The following NUAK1 variants were observed in gnomAD, a reference collection of about 807,000 sequenced individuals.
The protein encoded by NUAK1 is NUAK family kinase 1.
In NUAK1, 26 loss-of-function variants were observed where a neutral mutation model predicts 56.9. The ratio of observed to expected loss-of-function variants is 0.46; its 90% confidence interval spans 0.33 to 0.63. The LOEUF (loss-of-function observed/expected upper bound fraction) is 0.63. Ranked by LOEUF, NUAK1 falls within the 30% of genes least tolerant of loss-of-function variation. The pLI is 0.02. For missense variants in NUAK1, 727 were observed against 876.1 expected, an observed-to-expected ratio of 0.83 and a Z score of 2.15; for synonymous variants, 337 against 336.0, an observed-to-expected ratio of 1.00 and a Z score of -0.03.
At chr12:106,088,712 C>T (rs1287560909) in intron 2 of NUAK1, among the ~76,000 whole-genome samples, 3 of 152,228 alleles carry the variant, frequency 2.0e-5, no homozygotes, top group African/African-American at 7.2e-5. Context: ...TTACAGCATA[C>T]ACTCAATTAT....
intron 4 of NUAK1, among the ~76,000 whole-genome samples, chr12:106,073,765 C>T (rs2032431827): frequency 6.6e-6 from 1 of 151,942 alleles, no homozygotes; most frequent in South Asian, 2.1e-4. Context: ...TTGCAGTGAG[C>T]CAAAATCACA....
chr12:106,089,486 G>A (rs1331948925), intron 2 of NUAK1, among the ~76,000 whole-genome samples: 2 of 152,192 alleles, frequency 1.3e-5, no homozygotes, highest in African/African-American at 4.8e-5. Flanking sequence ...TACTGATCCT[G>A]TCTCTACAAT....
intron 2 of NUAK1, among the ~76,000 whole-genome samples, chr12:106,101,178 A>G (rs2032743530): frequency 6.6e-6 from 1 of 152,164 alleles, no homozygotes; most frequent in South Asian, 2.1e-4. Flanking sequence ...AGGGGCAGGT[A>G]GGGGCAGGAT....
Position 106,138,696 on chromosome 12 carries a change from G to T in NUAK1, c.-43C>A, listed in dbSNP as rs1473208037. 8.9e-6 allele frequency: 13 copies of T among 1,464,938 alleles called. No homozygotes were observed. Among genetic ancestry groups the T allele is most frequent in the Non-Finnish European group, 1.2e-5 (13 of 1,117,616 alleles). 90.7% of individuals were successfully genotyped at this position (1,464,938 alleles called of 1,614,324 possible). Reference sequence around the variant, plus strand: ...GCCGGGCTACAGAGGGCAAGACCGGGCACAGCGCTGGGATGTCGGGGTCCC... The same window carrying T: ...GCCGGGCTACAGAGGGCAAGACCGGTCACAGCGCTGGGATGTCGGGGTCCC... On this transcript the variant is annotated 5_prime_UTR_variant, in exon 1 of 7. Transcript: ENST00000261402. The surrounding 1 kb of genome is among the most constrained non-coding windows in gnomAD (Gnocchi z 5.0).
intron 1 of NUAK1, among the ~76,000 whole-genome samples, chr12:106,130,350 AG>A: frequency 6.6e-6 from 1 of 152,372 alleles, no homozygotes. Context: ...TGAATCTAAT[AG>A]CCCCAACTAA....
rs2032574841 is a variant in NUAK1 at position 106,086,777 on chromosome 12, T to G, written c.470A>C (p.His157Pro). The change falls in exon 3 of 7, where the codon CAC becomes CCC. Residue 157 changes from histidine (H) to proline (P), a missense_variant. Physicochemically the swap from His to Pro is moderately conservative, Grantham distance 77 (BLOSUM62 -2). Transcript: ENST00000261402. ...RRRLSERETR[H>P]FFRQIVSAVH... ...AGCAGAGACGATCTGCCGGAAGAAG[T>G]GCCGGGTCTCCCTCTCACTGAGGCG... is the stretch of plus-strand genomic sequence containing the variant. 1 of 1,614,176 alleles carries G rather than the reference T, an allele frequency of 6.2e-7. No homozygotes were observed. The highest frequency in any genetic ancestry group is 1.1e-5 in the South Asian group (1 of 91,082).
chr12:106,103,086 G>A (rs7132000), intron 2 of NUAK1: 6,570 of 152,254 alleles, frequency 0.043, 487 homozygotes, highest in African/African-American at 0.15. Flanking sequence ...ATATTCTTCC[G>A]TTAAGGTTTG....
At chr12:106,069,368 T>C (rs908812258) in intron 6 of NUAK1, among the ~76,000 whole-genome samples, 2 of 152,232 alleles carry the variant, frequency 1.3e-5, no homozygotes, top group South Asian at 2.1e-4. Context: ...TAGTGCTGTA[T>C]TTCTCACATT....
intron 2 of NUAK1, among the ~76,000 whole-genome samples, chr12:106,095,899 A>G (rs2032691687): frequency 6.6e-6 from 1 of 152,180 alleles, no homozygotes. Context: ...CATACCTACC[A>G]GAGGCACCTG....
chr12:106,119,646 G>A (rs1281838947), intron 1 of NUAK1, among the ~76,000 whole-genome samples: 6 of 152,132 alleles, frequency 3.9e-5, no homozygotes, highest in Non-Finnish European at 4.4e-5. Context: ...TAACTTTTCT[G>A]TATCTGGCGA....
In NUAK1 at chr12:106,066,214, C is replaced by T. The variant is rs1425672684; in HGVS notation, c.*588G>A. ...AGCATTAGTGCTACTGCTTCCCCTT[C>T]CCTTTCCCGTGGTAGCCATTACTAG... On this transcript the variant is annotated 3_prime_UTR_variant, in exon 7 of 7. Transcript: ENST00000261402. 1 of 156,548 alleles carries T rather than the reference C, an allele frequency of 6.4e-6. No individual in the cohort carries two copies. Among genetic ancestry groups the T allele is most frequent in the Non-Finnish European group, 1.4e-5 (1 of 70,798 alleles). The allele number at this position is 156,548 out of a possible 1,614,324, so 9.7% of individuals were successfully genotyped here. A position where few individuals can be genotyped will look rare whatever the true frequency, so the allele number is the denominator to read the frequency against.
At chr12:106,104,940 A>C (rs1248883716) in intron 2 of NUAK1, among the ~76,000 whole-genome samples, 1 of 151,988 alleles carries the variant, frequency 6.6e-6, no homozygotes, top group Non-Finnish European at 1.5e-5. Context: ...CCACGAATTA[A>C]AAATAAGTTC....
chr12:106,086,994 G>T, intron 2 of NUAK1, 109 bp from the exon 3 acceptor site: 1 of 1,384,214 alleles, frequency 7.2e-7, no homozygotes, highest in Non-Finnish European at 1.0e-6. Flanking sequence ...GCAGAGGATC[G>T]ACTGATGGGT....
At chr12:106,135,889 G>A (rs759483706) in intron 1 of NUAK1, among the ~76,000 whole-genome samples, 1 of 152,172 alleles carries the variant, frequency 6.6e-6, no homozygotes. Flanking sequence ...GGCACTGTAT[G>A]GGCAAGAACA....
intron 2 of NUAK1, 151 bp downstream of exon 2, chr12:106,106,254 C>A: frequency 1.6e-6 from 1 of 633,558 alleles, no homozygotes; most frequent in Non-Finnish European, 2.6e-6. Flanking sequence ...TCAAGGTAAC[C>A]AAGTAAGAGA....
intron 1 of NUAK1, among the ~76,000 whole-genome samples, chr12:106,113,033 C>T (rs1250864941): frequency 1.3e-5 from 2 of 152,186 alleles, no homozygotes; most frequent in Non-Finnish European, 2.9e-5. Context: ...AAAGCAGATT[C>T]GTGCTTGACT....
chr12:106,125,914 C>CCA (rs34374649), intron 1 of NUAK1, among the ~76,000 whole-genome samples: 1 of 151,800 alleles, frequency 6.6e-6, no homozygotes, highest in East Asian at 1.9e-4. Context: ...ATTAGTCTCC[C>CCA]CCCTGCATGC....
chr12:106,127,960 A>G (rs2033039685), intron 1 of NUAK1, among the ~76,000 whole-genome samples: 1 of 152,042 alleles, frequency 6.6e-6, no homozygotes, highest in Non-Finnish European at 1.5e-5. Context: ...TTTATGGACC[A>G]TTCACTGTGG....
At position 106,106,395 on chromosome 12, in the gene NUAK1, A is replaced by AT. The variant is rs979789612; in HGVS notation, c.361+9_361+10insA. The AT allele has an allele frequency of 3.8e-6, 6 of 1,593,996 alleles. No individual in the cohort carries two copies. Among genetic ancestry groups the AT allele is most frequent in the Non-Finnish European group, 5.1e-6 (6 of 1,171,796 alleles). ...TGATATGGGGGTTAAAAAAAAAAAA[A>AT]ATCACTGACCTTCATAAATACTGAT... On this transcript the variant is annotated intron_variant, in intron 2 of 6. Transcript: ENST00000261402.
Sources: allele counts gnomAD v4.1 joint callset (sites outside exome capture counted in the v4.1 genomes callset), GRCh38; gene constraint gnomAD v4.1.1; non-coding constraint Gnocchi (gnomAD v3.1); transcripts MANE v1.5; gene names NCBI Gene and HGNC (gene_info 2026-07-23, HGNC 2026-07-21).